SUGCT: variants seen among roughly 807,000 people sequenced by gnomAD.
The protein encoded by SUGCT is succinyl-CoA:glutarate CoA-transferase.
SUGCT carries 41 observed loss-of-function variants against 55.0 expected under a neutral mutation model. The observed-to-expected ratio is 0.74, with a 90% CI of 0.58 to 0.97. The LOEUF (loss-of-function observed/expected upper bound fraction) is 0.97, where lower values mean the gene tolerates loss of function less well. Among genes scored for constraint, SUGCT ranks in the 50% least tolerant of loss-of-function variants. SUGCT has a pLI of 0.00. For missense variants in SUGCT, 568 were observed against 547.8 expected (o/e 1.04, Z -0.37); for synonymous variants, 187 against 200.4 (o/e 0.93, Z 0.56).
intron 6 of SUGCT, among the ~76,000 whole-genome samples, chr7:40,216,770 C>T (rs895560998): frequency 4.0e-5 from 6 of 151,386 alleles, no homozygotes; most frequent in Admixed American, 2.6e-4. Context: ...ACAGGAGAAT[C>T]GCTTGAACCT....
At chr7:40,188,704 TA>T (rs997276115) in intron 4 of SUGCT, 124 bp downstream of exon 4, 24 of 570,336 alleles carry the variant, frequency 4.2e-5, no homozygotes, top group Non-Finnish European at 6.6e-5. Flanking sequence ...ATATTTCAAA[TA>T]AATTAAAATT....
At chr7:40,459,257 G>C in intron 11 of SUGCT, 59 bp downstream of exon 11, 1 of 1,107,046 alleles carries the variant, frequency 9.0e-7, no homozygotes, top group Non-Finnish European at 1.3e-6. Flanking sequence ...GCATTTATCT[G>C]GTGTTTTATA....
At chr7:40,632,228 T>G (rs1799821656) in intron 12 of SUGCT, among the ~76,000 whole-genome samples, 1 of 152,196 alleles carries the variant, frequency 6.6e-6, no homozygotes, top group Admixed American at 6.5e-5. Flanking sequence ...CTGCCCTGTG[T>G]CAGCATCATT....
At chr7:40,902,579 CAAA>C in the SUGCT span, among the ~76,000 whole-genome samples, 10 of 123,792 alleles carry the variant, frequency 8.1e-5, no homozygotes, top group Admixed American at 1.7e-4. Flanking sequence ...GACTCCATCT[CAAA>C]AAAAAAAAAA....
the SUGCT span, among the ~76,000 whole-genome samples, chr7:40,890,329 A>AT: frequency 4.6e-3 from 504 of 108,630 alleles, 8 homozygotes; most frequent in Middle Eastern, 0.018. Flanking sequence ...TATAATATAA[A>AT]TATTAATATA....
intron 6 of SUGCT, among the ~76,000 whole-genome samples, chr7:40,211,667 A>G (rs6966734): frequency 0.91 from 138,562 of 152,278 alleles, 63,234 homozygotes; most frequent in East Asian, 0.99. Flanking sequence ...GCCCAGACAC[A>G]TCTCAGATGA....
intron 12 of SUGCT, among the ~76,000 whole-genome samples, chr7:40,678,770 C>G (rs898763178): frequency 3.9e-4 from 60 of 152,188 alleles, no homozygotes; most frequent in African/African-American, 1.4e-3. Context: ...ATATTTTTTC[C>G]TACATGAAGA....
At chr7:40,745,207 G>T (rs372204286) in intron 12 of SUGCT, among the ~76,000 whole-genome samples, 1 of 152,042 alleles carries the variant, frequency 6.6e-6, no homozygotes, top group African/African-American at 2.4e-5. Context: ...CTTTGATTTT[G>T]ATATGTGTAA....
chr7:40,872,475 C>T, the SUGCT span, among the ~76,000 whole-genome samples: 3 of 152,150 alleles, frequency 2.0e-5, no homozygotes, highest in African/African-American at 7.2e-5. Context: ...ATTAGGGACA[C>T]AAGTCAAATT....
At chr7:40,324,496 T>G (rs1795928879) in intron 9 of SUGCT, among the ~76,000 whole-genome samples, 1 of 151,988 alleles carries the variant, frequency 6.6e-6, no homozygotes, top group Admixed American at 6.6e-5. Context: ...CCTCAGGTGA[T>G]CCACCTGCCT....
At chr7:40,390,855 G>A (rs1468298847) in intron 9 of SUGCT, among the ~76,000 whole-genome samples, 1 of 152,146 alleles carries the variant, frequency 6.6e-6, no homozygotes, top group African/African-American at 2.4e-5. Context: ...AACAAAGCTG[G>A]AGGCATCACG....
chr7:40,942,711 G>A, the SUGCT span, among the ~76,000 whole-genome samples: 1 of 151,288 alleles, frequency 6.6e-6, no homozygotes, highest in African/African-American at 2.4e-5. Flanking sequence ...CTTTGGTTTG[G>A]ATAATTTACA....
chr7:40,962,625 G>C, the SUGCT span, among the ~76,000 whole-genome samples: 35,735 of 150,304 alleles, frequency 0.24, 5,366 homozygotes, highest in Admixed American at 0.32. Flanking sequence ...GAAAAATGGA[G>C]AGTTTTGCTC....
chr7:40,367,063 C>T (rs977646998), intron 9 of SUGCT, among the ~76,000 whole-genome samples: 5 of 152,068 alleles, frequency 3.3e-5, no homozygotes, highest in Admixed American at 2.6e-4. Flanking sequence ...GGCACATATA[C>T]ACCATGGAAT....
At chr7:40,624,260 C>T (rs959761847) in intron 12 of SUGCT, among the ~76,000 whole-genome samples, 2 of 152,244 alleles carry the variant, frequency 1.3e-5, no homozygotes, top group East Asian at 3.9e-4. Context: ...TCTTTCTCCA[C>T]CAGGACCTTT....
chr7:40,657,059 C>T (rs542186841), intron 12 of SUGCT, among the ~76,000 whole-genome samples: 3 of 152,238 alleles, frequency 2.0e-5, no homozygotes, highest in Non-Finnish European at 4.4e-5. Flanking sequence ...ACTCCACCTG[C>T]TGTGGTGTAT....
chr7:40,247,641 A>G (rs1050605819), intron 7 of SUGCT, among the ~76,000 whole-genome samples: 1 of 152,128 alleles, frequency 6.6e-6, no homozygotes, highest in African/African-American at 2.4e-5. Context: ...ATGAGTTAAG[A>G]TGTGTTTTCT....
chr7:40,196,541 A>G lies in SUGCT; in HGVS notation c.484+1481A>G, dbSNP rs140157623. On this transcript the variant is annotated intron_variant, in intron 6 of 13. Transcript: ENST00000335693. The stretch of plus-strand genomic sequence containing the variant: ...TTGGCAAGGGGGTGGGGTGAGGATA[A>G]GTTATTTCAAACTGGTAGGTGAGAG... Among the ~76,000 whole-genome samples the G allele has an allele frequency of 4.1e-4, 63 of 152,276 alleles. 1 individual carries two copies. The highest frequency in any genetic ancestry group is 1.4e-3 in the Admixed American group (22 of 15,296).
At chr7:40,870,985 A>G in the SUGCT span, among the ~76,000 whole-genome samples, 1 of 152,130 alleles carries the variant, frequency 6.6e-6, no homozygotes, top group Non-Finnish European at 1.5e-5. Flanking sequence ...TCAATACAAG[A>G]TGTTCAGGAT....
Sources: gnomAD v4.1 joint callset for allele counts (sites outside exome capture counted in the v4.1 genomes callset) on GRCh38, gnomAD v4.1.1 for gene constraint, MANE v1.5 for transcripts, NCBI Gene and HGNC (gene_info 2026-07-23, HGNC 2026-07-21) for gene names.